GART: variants seen among roughly 807,000 people sequenced by gnomAD.
GART encodes trifunctional purine biosynthetic protein adenosine-3.
A neutral mutation model predicts 107.2 loss-of-function variants in GART; 43 were observed. The observed-to-expected ratio is 0.40, with a 90% CI of 0.31 to 0.52. GART has a LOEUF of 0.52. GART is among the 20% of genes least tolerant of loss of function. The pLI, the probability that GART is intolerant of heterozygous loss-of-function variation, is 0.52. For missense variants in GART, 1,107 were observed against 1,206.5 expected (o/e 0.92, Z 1.22); for synonymous variants, 434 against 427.0 (o/e 1.02, Z -0.20).
In GART at chr21:33,535,330, GAA is replaced by G. The variant is rs567027710; in HGVS notation, c.146-12_146-11del. The G allele has an allele frequency of 0.011, 3,943 of 362,830 alleles. No homozygotes were observed. The highest frequency in any genetic ancestry group is 0.014 in the South Asian group (340 of 24,148). The allele number at this position is 362,830 out of a possible 1,614,324, so 22.5% of individuals were successfully genotyped here. On this transcript the variant is annotated splice_polypyrimidine_tract_variant and intron_variant, in intron 2 of 21. Coordinates refer to ENST00000381815, the MANE Select transcript of GART (RefSeq NM_000819.5). Reference sequence around the variant, plus strand: ...TCACTGATTGAGATGGCTGTAAACAGAAAAAAAAAAAAAAAAACCACTGCATT... The same window carrying G: ...TCACTGATTGAGATGGCTGTAAACAGAAAAAAAAAAAAAAACCACTGCATT...
chr21:33,536,142 G>T (rs1183512010), intron 2 of GART, among the ~76,000 whole-genome samples: 1 of 152,140 alleles, frequency 6.6e-6, no homozygotes, highest in Non-Finnish European at 1.5e-5. Context: ...CAGCAAATAT[G>T]AACAAATTAA....
chr21:33,539,500 C>T (rs923200139), intron 1 of GART, 144 bp from the exon 2 acceptor site: 9 of 512,844 alleles, frequency 1.8e-5, no homozygotes, highest in Admixed American at 3.9e-5. Context: ...TGAGACCAGC[C>T]TTGGCCAACA....
intron 8 of GART, 24 bp from the exon 9 acceptor site, chr21:33,528,628 AAAAAG>A: frequency 6.8e-7 from 1 of 1,465,116 alleles, no homozygotes; most frequent in African/African-American, 1.4e-5. Flanking sequence ...GAAAAAAAAA[AAAAAG>A]AGAGAAAGAA....
Position 33,504,027 on chromosome 21 carries a change from A to G in GART, c.*97T>C. 1 of 1,121,300 alleles carries G rather than the reference A, an allele frequency of 8.9e-7. No homozygotes were observed. The highest frequency in any genetic ancestry group is 1.3e-6 in the Non-Finnish European group (1 of 798,016). The allele number at this position is 1,121,300 out of a possible 1,614,324, so 69.5% of individuals were successfully genotyped here. A position where few individuals can be genotyped will look rare whatever the true frequency, so the allele number is the denominator to read the frequency against. ...AAGGGTGAGGTCTTTTTTGTCTTTT[A>G]GCAGTTTTTCTTTTGGGCCAAGTCC... is the stretch of plus-strand genomic sequence containing the variant. On this transcript the variant is annotated 3_prime_UTR_variant, in exon 22 of 22. Coordinates refer to ENST00000381815, the MANE Select transcript of GART (RefSeq NM_000819.5).
At chr21:33,539,416 G>T in intron 1 of GART, 60 bp from the exon 2 acceptor site, 1 of 1,324,830 alleles carries the variant, frequency 7.5e-7, no homozygotes, top group South Asian at 1.4e-5. Context: ...CCCAGGGACG[G>T]GCACAGTGGC....
intron 12 of GART, 148 bp downstream of exon 12, chr21:33,522,039 GA>G: frequency 1.8e-6 from 1 of 542,126 alleles, no homozygotes; most frequent in Non-Finnish European, 3.3e-6. Context: ...TTAAAGAAAA[GA>G]AAGCAGAAGA....
chr21:33,525,297 AT>A (rs2085052157), intron 10 of GART, among the ~76,000 whole-genome samples: 1 of 152,138 alleles, frequency 6.6e-6, no homozygotes, highest in Admixed American at 6.6e-5. Context: ...GATCACTTGA[AT>A]TTGGGAGTTT....
Position 33,524,766 on chromosome 21 carries a change from TA to T in GART, c.1298+2del. 1 of 1,614,208 alleles carries T rather than the reference TA, an allele frequency of 6.2e-7. No individual in the cohort carries two copies. The highest frequency in any genetic ancestry group is 8.5e-7 in the Non-Finnish European group (1 of 1,180,030). On this transcript the variant is annotated splice_donor_variant, in intron 11 of 21. Transcript: ENST00000381815. LOFTEE classifies it high-confidence loss of function. ...ACTACAGCTAACTTGCTTAGAGTTTTACCTGGGCTGCTGGAGGAAAGCTATG... is the reference window on the plus strand; with the variant it reads ...ACTACAGCTAACTTGCTTAGAGTTTTCCTGGGCTGCTGGAGGAAAGCTATG...
Position 33,517,156 on chromosome 21 carries a change from G to C in GART, c.1955-15C>G. Reference sequence around the variant, plus strand: ...AAGTAAGTCCCCTGCATGTTGAAGAGAGAAGACAAAAACTTAGCCTATGAA... The same window carrying C: ...AAGTAAGTCCCCTGCATGTTGAAGACAGAAGACAAAAACTTAGCCTATGAA... On this transcript the variant is annotated splice_polypyrimidine_tract_variant and intron_variant, in intron 15 of 21. Transcript: ENST00000381815. The C allele has an allele frequency of 3.1e-6, 5 of 1,590,390 alleles. No individual in the cohort carries two copies. In the South Asian group the frequency reaches 5.8e-5, roughly 18 times the overall value.
chr21:33,528,682 T>C, intron 8 of GART, 78 bp from the exon 9 acceptor site: 1 of 1,081,430 alleles, frequency 9.2e-7, no homozygotes, highest in Non-Finnish European at 1.3e-6. Context: ...ATATAAAATC[T>C]ACTACATAAA....
intron 2 of GART, 76 bp downstream of exon 2, chr21:33,539,095 A>G: frequency 2.1e-6 from 3 of 1,408,940 alleles, no homozygotes; most frequent in Non-Finnish European, 2.9e-6. Flanking sequence ...TTATTAACAT[A>G]AAGTACAGAT....
At chr21:33,539,840 A>T (rs2085377727) in intron 1 of GART, among the ~76,000 whole-genome samples, 1 of 152,174 alleles carries the variant, frequency 6.6e-6, no homozygotes, top group Admixed American at 6.5e-5. Flanking sequence ...TAAGGGAGGT[A>T]TTTCAAAAAG....
At position 33,530,135 on chromosome 21, in the gene GART, T is replaced by A. The variant is rs138081461; in HGVS notation, c.723+624A>T. On this transcript the variant is annotated intron_variant, in intron 7 of 21. Transcript: ENST00000381815. ...TGAACCCAGGAGGTGGAGGATGTAG[T>A]GAGCCAAGATCGTGCCACTGCACCC... is the stretch of plus-strand genomic sequence containing the variant. Among the ~76,000 whole-genome samples the A allele has an allele frequency of 1.4e-3, 209 of 152,316 alleles. 5 individuals carry two copies. In the East Asian group the frequency reaches 0.038, roughly 27 times the overall value.
intron 16 of GART, among the ~76,000 whole-genome samples, chr21:33,513,192 T>A (rs1006794603): frequency 2.0e-5 from 3 of 146,622 alleles, no homozygotes; most frequent in African/African-American, 2.5e-5. Context: ...CTTGAACTCC[T>A]GACCTCAGGG....
At chr21:33,521,955 A>T (rs1914892332) in intron 12 of GART, among the ~76,000 whole-genome samples, 1 of 151,052 alleles carries the variant, frequency 6.6e-6, no homozygotes, top group South Asian at 2.1e-4. Context: ...TTGTCTCAAA[A>T]AAAAAAAAAA....
intron 10 of GART, among the ~76,000 whole-genome samples, chr21:33,526,535 G>A (rs554360888): frequency 1.3e-4 from 20 of 150,942 alleles, no homozygotes; most frequent in Admixed American, 1.2e-3. Context: ...TTTCTTTTTC[G>A]ATTTTTTTTT....
intron 14 of GART, chr21:33,518,602 G>C (rs2084918006): frequency 3.2e-6 from 1 of 314,140 alleles, no homozygotes; most frequent in Non-Finnish European, 6.2e-6. Flanking sequence ...AACAATTTCA[G>C]AAAGCAGTCA....
In GART at chr21:33,509,853, A is replaced by G. The variant is rs1272001155; in HGVS notation, c.2382T>C (p.Asn794=). 2 of 1,613,762 alleles carry G rather than the reference A, an allele frequency of 1.2e-6. No homozygotes were observed. Among genetic ancestry groups the G allele is most frequent in the East Asian group, 4.5e-5 (2 of 44,874 alleles). Residue 794 remains asparagine (N), a synonymous_variant, in exon 18 of 22, where the codon AAT becomes AAC. Transcript: ENST00000381815. ...SMQINGSVLK[N]GSLTNHFSFE... ...AAGAGAAATGATTTGTCAGGGAGCC[A>G]TTCTTCAACACTGACCCATTTATTT...
chr21:33,539,728 TAAGTA>T (rs1385490219), intron 1 of GART, among the ~76,000 whole-genome samples: 2 of 152,086 alleles, frequency 1.3e-5, no homozygotes, highest in African/African-American at 4.8e-5. Flanking sequence ...AAATATAATT[TAAGTA>T]ATCATTTGTA....
Sources: gnomAD v4.1 joint callset for allele counts (sites outside exome capture counted in the v4.1 genomes callset) on GRCh38, gnomAD v4.1.1 for gene constraint, MANE v1.5 for transcripts, NCBI Gene and HGNC (gene_info 2026-07-23, HGNC 2026-07-21) for gene names.